The following BTAF1 variants were observed in gnomAD, a reference collection of about 807,000 sequenced individuals.
BTAF1 encodes TATA-binding protein-associated factor 172.
In BTAF1, 38 loss-of-function variants were observed where a neutral mutation model predicts 227.1. The ratio of observed to expected loss-of-function variants is 0.17; its 90% CI spans 0.13 to 0.22. BTAF1 has a LOEUF of 0.22. Ranked by LOEUF, BTAF1 falls within the 10% of genes least tolerant of loss-of-function variation. BTAF1 has a pLI of 1.00. For synonymous variants in BTAF1, 742 were observed against 751.9 expected, an observed-to-expected ratio of 0.99 and a Z score of 0.21; for missense variants, 1,598 against 2,204.0, an observed-to-expected ratio of 0.73 and a Z score of 5.51.
At chr10:92,002,983 C>G (rs1849648151) in intron 25 of BTAF1, among the ~76,000 whole-genome samples, 1 of 151,904 alleles carries the variant, frequency 6.6e-6, no homozygotes, top group Non-Finnish European at 1.5e-5. Flanking sequence ...CTGGTGAAAC[C>G]CCATCTCTAC....
intron 12 of BTAF1, among the ~76,000 whole-genome samples, chr10:91,963,776 C>A (rs1215693743): frequency 6.6e-6 from 1 of 152,110 alleles, no homozygotes; most frequent in Non-Finnish European, 1.5e-5. Context: ...CTGTTGTTTT[C>A]ACTGTTAAGT....
At chr10:92,023,444 T>G (rs1202597198) in intron 34 of BTAF1, among the ~76,000 whole-genome samples, 1 of 152,042 alleles carries the variant, frequency 6.6e-6, no homozygotes, top group Non-Finnish European at 1.5e-5. Flanking sequence ...TCCCAGCACT[T>G]TGGGAGACTG....
rs1036109480 is a variant in BTAF1 at position 92,013,817 on chromosome 10, G to C, written c.4453+9G>C. 1.9e-6 allele frequency: 3 copies of C among 1,613,930 alleles called. No individual in the cohort carries two copies. The highest frequency in any genetic ancestry group is 1.7e-5 in the Admixed American group (1 of 60,018). ...TCGAGAGCAAGAAGCAGGTATGAAA[G>C]AGATATAATTATAACCCTGTGTAAG... On this transcript the variant is annotated intron_variant, in intron 31 of 37. Coordinates refer to ENST00000265990, the MANE Select transcript of BTAF1 (RefSeq NM_003972.3).
intron 21 of BTAF1, among the ~76,000 whole-genome samples, chr10:91,992,665 A>G (rs1648674829): frequency 6.6e-6 from 1 of 152,164 alleles, no homozygotes; most frequent in Non-Finnish European, 1.5e-5. Flanking sequence ...TTTTTAGTCA[A>G]TTTGATATTT....
intron 2 of BTAF1, among the ~76,000 whole-genome samples, chr10:91,938,146 T>C (rs558884528): frequency 1.3e-5 from 2 of 152,378 alleles, no homozygotes; most frequent in South Asian, 4.1e-4. Context: ...AAAATTGGGT[T>C]ATCATTTTAT....
intron 6 of BTAF1, 84 bp downstream of exon 6, chr10:91,953,957 C>G (rs1845926961): frequency 6.6e-7 from 1 of 1,525,942 alleles, no homozygotes; most frequent in South Asian, 1.2e-5. Context: ...TAGAAACATT[C>G]TGCTGACATA....
chr10:91,991,271 AATAT>A lies in BTAF1; in HGVS notation c.2855-830_2855-827del, dbSNP rs3980612. 4.5e-5 allele frequency among the ~76,000 whole-genome samples: 3 copies of A among 66,228 alleles called. 1 individual carries two copies. Among genetic ancestry groups the A allele is most frequent in the Non-Finnish European group, 7.5e-5 (2 of 26,698 alleles). 43.4% of individuals were successfully genotyped at this position (66,228 alleles called of 152,430 possible). On this transcript the variant is annotated intron_variant, in intron 20 of 37. Transcript: ENST00000265990. ...AAAAAAATATATAAATATAAATATA[AATAT>A]ATATATATATATATATAAATTATCC...
chr10:92,012,760 G>C (rs1385508602), intron 30 of BTAF1, among the ~76,000 whole-genome samples: 70 of 95,050 alleles, frequency 7.4e-4, no homozygotes, highest in Non-Finnish European at 1.2e-3. Flanking sequence ...GACAGAGTGA[G>C]ACTCTGTCTC....
intron 1 of BTAF1, 54 bp downstream of exon 1, chr10:91,924,144 C>CT (rs1843667225): frequency 1.3e-6 from 2 of 1,592,818 alleles, no homozygotes; most frequent in Non-Finnish European, 1.7e-6. Flanking sequence ...AAGGCATGGT[C>CT]TCCTCTTAGA....
At chr10:91,973,941 A>G (rs1847504436) in intron 14 of BTAF1, among the ~76,000 whole-genome samples, 1 of 150,904 alleles carries the variant, frequency 6.6e-6, no homozygotes, top group Non-Finnish European at 1.5e-5. Flanking sequence ...TCCCAAGCTC[A>G]TATAAGCAGC....
chr10:91,971,637 A>G (rs1195023491), intron 14 of BTAF1, among the ~76,000 whole-genome samples: 2 of 151,564 alleles, frequency 1.3e-5, no homozygotes, highest in Non-Finnish European at 2.9e-5. Flanking sequence ...ACGCCTGACT[A>G]ATTTTTGTAT....
At chr10:91,971,953 A>G (rs1320085758) in intron 14 of BTAF1, among the ~76,000 whole-genome samples, 1 of 152,040 alleles carries the variant, frequency 6.6e-6, no homozygotes, top group Non-Finnish European at 1.5e-5. Flanking sequence ...AGTTTTTGTC[A>G]TAAAAAATTT....
chr10:91,991,615 T>A (rs1241748475), intron 20 of BTAF1, among the ~76,000 whole-genome samples: 1 of 151,250 alleles, frequency 6.6e-6, no homozygotes, highest in Non-Finnish European at 1.5e-5. Flanking sequence ...CTGGGTGTGG[T>A]GGTGTGTGCC....
chr10:91,981,702 A>G lies in BTAF1; in HGVS notation c.1815A>G (p.Pro605=), dbSNP rs1269187164. The part of the protein sequence containing the change: ...SVQYVVAAAC[P]WMGAWLCLMM... ...AGTATGTGGTAGCAGCTGCTTGCCCATGGATGGGTGCTTGGCTTTGCTTGA... is the reference window on the plus strand; with the variant it reads ...AGTATGTGGTAGCAGCTGCTTGCCCGTGGATGGGTGCTTGGCTTTGCTTGA... The change falls in exon 16 of 38, where the codon CCA becomes CCG. Residue 605 remains proline (P), a synonymous_variant. Transcript: ENST00000265990. 1.2e-6 allele frequency: 2 copies of G among 1,613,876 alleles called. No individual in the cohort carries two copies. Among genetic ancestry groups the G allele is most frequent in the South Asian group, 1.1e-5 (1 of 91,060 alleles).
chr10:91,958,837 A>C (rs186339580), intron 8 of BTAF1, among the ~76,000 whole-genome samples: 19 of 152,374 alleles, frequency 1.2e-4, no homozygotes, highest in African/African-American at 4.6e-4. Context: ...ATTTTAGAAT[A>C]GCTGTTTTCT....
At chr10:92,021,368 C>T (rs1057166808) in intron 34 of BTAF1, among the ~76,000 whole-genome samples, 2 of 151,982 alleles carry the variant, frequency 1.3e-5, no homozygotes, top group African/African-American at 4.8e-5. Context: ...TTATATGAGG[C>T]AAAGTTGAGT....
chr10:91,933,446 C>T (rs7072906), intron 1 of BTAF1, among the ~76,000 whole-genome samples: 21,193 of 151,972 alleles, frequency 0.14, 1,596 homozygotes, highest in Middle Eastern at 0.2. Context: ...GAGAGTTGAG[C>T]AGTCAAGGAT....
Position 91,993,857 on chromosome 10 carries a change from T to G in BTAF1, c.3199+10T>G. ...GACATAAATAATTTTGGTATACACA[T>G]ATTTTTATGAGTCCAGTTTTTAACA... On this transcript the variant is annotated intron_variant, in intron 22 of 37. Transcript: ENST00000265990. The G allele has an allele frequency of 6.4e-7, 1 of 1,558,126 alleles. No individual in the cohort carries two copies. Among genetic ancestry groups the G allele is most frequent in the East Asian group, 2.3e-5 (1 of 43,840 alleles).
chr10:91,974,441 G>A (rs143984494), intron 14 of BTAF1, among the ~76,000 whole-genome samples: 64 of 152,260 alleles, frequency 4.2e-4, no homozygotes, highest in African/African-American at 1.4e-3. Flanking sequence ...CTTCCCTGTG[G>A]CATACCATGG....
Sources: gnomAD v4.1 joint callset for allele counts (sites outside exome capture counted in the v4.1 genomes callset) on GRCh38, gnomAD v4.1.1 for gene constraint, MANE v1.5 for transcripts, NCBI Gene and HGNC (gene_info 2026-07-23, HGNC 2026-07-21) for gene names.